The following ITGAM variants were observed in gnomAD, a reference collection of about 807,000 sequenced individuals.
ITGAM encodes integrin alpha-M.
Under a neutral mutation model 137.5 loss-of-function variants are expected in ITGAM, and 79 were observed. That is an observed-to-expected ratio of 0.57 (90% CI 0.48 to 0.69). The LOEUF (loss-of-function observed/expected upper bound fraction) is 0.69, where lower values mean the gene tolerates loss of function less well. ITGAM is among the 30% of genes least tolerant of loss of function. The pLI is 0.00. For missense variants in ITGAM, 1,343 were observed against 1,483.5 expected, an observed-to-expected ratio of 0.91 and a Z score of 1.56; for synonymous variants, 583 against 592.3, an observed-to-expected ratio of 0.98 and a Z score of 0.23.
At chr16:31,329,612 G>A (rs890489128) in intron 24 of ITGAM, among the ~76,000 whole-genome samples, 186 bp from the exon 25 acceptor site, 1 of 152,130 alleles carries the variant, frequency 6.6e-6, no homozygotes, top group African/African-American at 2.4e-5. Context: ...CGAGTAAGTG[G>A]GAGAGCTAGG....
intron 12 of ITGAM, among the ~76,000 whole-genome samples, chr16:31,288,827 C>A: frequency 1.3e-5 from 2 of 152,110 alleles, no homozygotes. Flanking sequence ...AGGCAACCTA[C>A]AGAATGGGAG....
intron 14 of ITGAM, among the ~76,000 whole-genome samples, chr16:31,298,436 A>G (rs1017332927): frequency 2.0e-5 from 3 of 152,166 alleles, no homozygotes; most frequent in African/African-American, 7.2e-5. Flanking sequence ...AAAGACTCTT[A>G]GTTCCAGATT....
chr16:31,267,219 C>T (rs1473719775), intron 5 of ITGAM, among the ~76,000 whole-genome samples: 1 of 152,182 alleles, frequency 6.6e-6, no homozygotes, highest in Non-Finnish European at 1.5e-5. Flanking sequence ...CTTTTTCCCA[C>T]TGCTTTGTTC....
intron 14 of ITGAM, among the ~76,000 whole-genome samples, chr16:31,314,792 C>G (rs1406027898): frequency 6.7e-6 from 1 of 149,924 alleles, no homozygotes; most frequent in Non-Finnish European, 1.5e-5. Flanking sequence ...AACGGTTAGG[C>G]TGTTCCTCCT....
At chr16:31,270,763 C>CAT (rs200435827) in intron 5 of ITGAM, among the ~76,000 whole-genome samples, 191 bp from the exon 6 acceptor site, 71 of 68,654 alleles carry the variant, frequency 1.0e-3, no homozygotes, top group Middle Eastern at 0.012. Flanking sequence ...CGTGTGTATA[C>CAT]ATATATATAT....
intron 12 of ITGAM, among the ~76,000 whole-genome samples, chr16:31,291,500 C>T (rs560881322): frequency 2.0e-5 from 3 of 152,184 alleles, no homozygotes; most frequent in Admixed American, 6.5e-5. Flanking sequence ...TGCCAGCATC[C>T]ATCATTGTTT....
chr16:31,327,905 G>A, intron 22 of ITGAM: 3 of 516,536 alleles, frequency 5.8e-6, no homozygotes, highest in South Asian at 4.8e-5. Context: ...AGGAGGGCTG[G>A]CGATTGGGGT....
chr16:31,266,192 A>G (rs1274649858), intron 5 of ITGAM, 45 bp downstream of exon 5: 2 of 1,363,932 alleles, frequency 1.5e-6, no homozygotes, highest in African/African-American at 2.9e-5. Flanking sequence ...GCAAAAGACC[A>G]GGGGAGGGGG....
In ITGAM at chr16:31,291,095, G is replaced by C. The variant is rs573037661; in HGVS notation, c.1357-6419G>C. On this transcript the variant is annotated intron_variant, in intron 12 of 29. Transcript: ENST00000544665. ...ACCTAAATAAATGGAGAGAGACGCT[G>C]TGGTCATGGATTCGAATATTATAGT... Among the ~76,000 whole-genome samples the C allele has an allele frequency of 3.9e-5, 6 of 152,240 alleles. No homozygotes were observed. The South Asian group carries it at 1.2e-3, about 32-fold the overall frequency.
intron 23 of ITGAM, among the ~76,000 whole-genome samples, chr16:31,328,494 TTG>T (rs1427871213): frequency 1.3e-5 from 2 of 151,062 alleles, no homozygotes; most frequent in Non-Finnish European, 3.0e-5. Flanking sequence ...GGGCGTGTAT[TTG>T]TGGATGTGAG....
chr16:31,302,268 A>G (rs1165040775), intron 14 of ITGAM, among the ~76,000 whole-genome samples: 1 of 152,214 alleles, frequency 6.6e-6, no homozygotes, highest in Non-Finnish European at 1.5e-5. Flanking sequence ...GACATCCTCA[A>G]TCAACCCAAC....
chr16:31,318,580 G>A (rs1429279464), intron 14 of ITGAM, among the ~76,000 whole-genome samples: 1 of 152,146 alleles, frequency 6.6e-6, no homozygotes, highest in Non-Finnish European at 1.5e-5. Context: ...CTCATCTCAG[G>A]TGATCCACTT....
chr16:31,286,311 G>A (rs1262843943), intron 12 of ITGAM, among the ~76,000 whole-genome samples: 2 of 152,064 alleles, frequency 1.3e-5, no homozygotes, highest in Non-Finnish European at 1.5e-5. Flanking sequence ...ATGAACATAC[G>A]AGCATGTATC....
At chr16:31,303,910 T>C (rs140116857) in intron 14 of ITGAM, among the ~76,000 whole-genome samples, 113 of 152,314 alleles carry the variant, frequency 7.4e-4, no homozygotes, top group African/African-American at 2.6e-3. Flanking sequence ...TTGTGAATTG[T>C]GCTGCTATAA....
chr16:31,271,761 G>A (rs1275208807), intron 6 of ITGAM, 86 bp from the exon 7 acceptor site: 1 of 1,524,984 alleles, frequency 6.6e-7, no homozygotes, highest in Non-Finnish European at 8.9e-7. Context: ...AGAGTGGAGT[G>A]TTTAAGATCT....
chr16:31,302,465 TTC>T (rs1491295672), intron 14 of ITGAM, among the ~76,000 whole-genome samples: 5 of 119,612 alleles, frequency 4.2e-5, no homozygotes, highest in Non-Finnish European at 7.8e-5. Context: ...CTTCCTTTCT[TTC>T]TTTCTTTCTT....
At chr16:31,329,713 G>T in intron 24 of ITGAM, 85 bp from the exon 25 acceptor site, 1 of 1,172,168 alleles carries the variant, frequency 8.5e-7, no homozygotes, top group Non-Finnish European at 1.2e-6. Flanking sequence ...CGGGCCTATG[G>T]CCTGCCCCGT....
chr16:31,261,162 T>C (rs1195238329), intron 1 of ITGAM, among the ~76,000 whole-genome samples: 1 of 150,618 alleles, frequency 6.6e-6, no homozygotes, highest in East Asian at 1.9e-4. Context: ...ACCGAATGGA[T>C]GGGAAAGGGA....
intron 5 of ITGAM, among the ~76,000 whole-genome samples, chr16:31,268,992 C>T (rs2079800150): frequency 6.6e-6 from 1 of 152,164 alleles, no homozygotes; most frequent in African/African-American, 2.4e-5. Flanking sequence ...ACAGAGCCAG[C>T]TATGCAGGGG....
Sources: gnomAD v4.1 joint callset for allele counts (sites outside exome capture counted in the v4.1 genomes callset) on GRCh38, gnomAD v4.1.1 for gene constraint, MANE v1.5 for transcripts, NCBI Gene and HGNC (gene_info 2026-07-23, HGNC 2026-07-21) for gene names.